Variants in LINGO2 observed in about 807,000 individuals in gnomAD.
The protein encoded by LINGO2 is leucine rich repeat and Ig domain containing 2.
A neutral mutation model predicts 30.6 loss-of-function variants in LINGO2; 14 were observed. That is an observed-to-expected ratio of 0.46 (90% CI 0.30 to 0.72). The LOEUF is 0.72. LINGO2 is among the 30% of genes least tolerant of loss of function. The probability of loss-of-function intolerance (pLI) is 0.07; values close to 1 mark genes in which losing one functional copy is unlikely to be tolerated. For synonymous variants in LINGO2, 317 were observed against 288.5 expected (o/e 1.10, Z -1.00); for missense variants, 729 against 751.7 (o/e 0.97, Z 0.35).
chr9:29,028,427 G>GGCGT, the LINGO2 span, among the ~76,000 whole-genome samples: 1 of 123,876 alleles, frequency 8.1e-6, no homozygotes. Context: ...TGTGGGGGGG[G>GGCGT]GTGAGAGAGA....
the LINGO2 span, among the ~76,000 whole-genome samples, chr9:28,794,190 G>A: frequency 6.6e-6 from 1 of 152,158 alleles, no homozygotes; most frequent in Non-Finnish European, 1.5e-5. Context: ...TGTAGTCCCA[G>A]CTACTCAGGA....
the LINGO2 span, among the ~76,000 whole-genome samples, chr9:28,690,028 A>G: frequency 6.6e-6 from 1 of 152,170 alleles, no homozygotes; most frequent in Non-Finnish European, 1.5e-5. Context: ...TGATGAGAAC[A>G]CATGGACACA....
At chr9:29,146,272 G>C in the LINGO2 span, among the ~76,000 whole-genome samples, 151,714 of 152,200 alleles carry the variant, frequency 1, 75,615 homozygotes, top group Middle Eastern at 1. Flanking sequence ...AGGAGAATCG[G>C]TTGAACCAGG....
At chr9:28,527,719 G>A (rs1247153391) in intron 1 of LINGO2, among the ~76,000 whole-genome samples, 1 of 151,920 alleles carries the variant, frequency 6.6e-6, no homozygotes, top group African/African-American at 2.4e-5. Flanking sequence ...ACCACAACCT[G>A]GAAAGGTATT....
At chr9:28,951,733 C>T in the LINGO2 span, among the ~76,000 whole-genome samples, 137,925 of 152,078 alleles carry the variant, frequency 0.91, 62,721 homozygotes, top group Non-Finnish European at 0.94. Flanking sequence ...CTTTTCATTT[C>T]GTTCCCCAAG....
At chr9:28,714,187 A>C in the LINGO2 span, among the ~76,000 whole-genome samples, 1 of 84,056 alleles carries the variant, frequency 1.2e-5, no homozygotes. Context: ...ATATATATAT[A>C]TACACACATA....
the LINGO2 span, among the ~76,000 whole-genome samples, chr9:28,701,797 T>A: frequency 6.6e-6 from 1 of 152,010 alleles, no homozygotes; most frequent in African/African-American, 2.4e-5. Flanking sequence ...CATTTGGTAC[T>A]TCTTTGATTT....
chr9:29,122,295 A>G, the LINGO2 span, among the ~76,000 whole-genome samples: 2 of 152,108 alleles, frequency 1.3e-5, no homozygotes, highest in Non-Finnish European at 2.9e-5. Context: ...AGGTAATACC[A>G]CTAATAAAGT....
intron 1 of LINGO2, among the ~76,000 whole-genome samples, chr9:28,666,046 G>A (rs1423530384): frequency 2.6e-5 from 4 of 151,512 alleles, no homozygotes; most frequent in Admixed American, 6.6e-5. Flanking sequence ...CATGCACCAC[G>A]ACACCCGGCT....
intron 4 of LINGO2, among the ~76,000 whole-genome samples, chr9:28,016,042 G>GTA (rs1822819966): frequency 6.7e-6 from 1 of 148,996 alleles, no homozygotes; most frequent in Admixed American, 6.7e-5. Flanking sequence ...TTAAGGAAAT[G>GTA]TACCTATTCT....
intron 3 of LINGO2, among the ~76,000 whole-genome samples, chr9:28,348,006 T>C (rs575489041): frequency 6.6e-6 from 1 of 152,278 alleles, no homozygotes; most frequent in East Asian, 1.9e-4. Context: ...CACTTTGGAG[T>C]ATAAGCTATT....
intron 4 of LINGO2, among the ~76,000 whole-genome samples, chr9:28,153,818 A>T (rs989023910): frequency 2.0e-5 from 3 of 152,216 alleles, no homozygotes; most frequent in Non-Finnish European, 4.4e-5. Context: ...AAACAGTAAG[A>T]TATTACAGTA....
At chr9:29,184,227 A>C in the LINGO2 span, among the ~76,000 whole-genome samples, 1 of 152,146 alleles carries the variant, frequency 6.6e-6, no homozygotes, top group African/African-American at 2.4e-5. Context: ...GACTTTCCTT[A>C]AACTGAAAGT....
chr9:28,498,340 C>T (rs576778681), intron 1 of LINGO2, among the ~76,000 whole-genome samples: 1 of 152,322 alleles, frequency 6.6e-6, no homozygotes, highest in East Asian at 1.9e-4. Flanking sequence ...TGTTTACCTA[C>T]TTAAGCCTTA....
At chr9:28,453,734 CT>C (rs1433876427) in intron 2 of LINGO2, among the ~76,000 whole-genome samples, 1 of 151,842 alleles carries the variant, frequency 6.6e-6, no homozygotes, top group African/African-American at 2.4e-5. Flanking sequence ...ATTGATGCTC[CT>C]TTTGCTCAAG....
chr9:28,606,635 T>C (rs1825704926), intron 1 of LINGO2, among the ~76,000 whole-genome samples: 1 of 152,038 alleles, frequency 6.6e-6, no homozygotes, highest in Admixed American at 6.6e-5. Flanking sequence ...TGAGGTAAAA[T>C]TTGTTACTCT....
chr9:28,938,749 A>G, the LINGO2 span, among the ~76,000 whole-genome samples: 4 of 152,288 alleles, frequency 2.6e-5, no homozygotes, highest in African/African-American at 4.8e-5. Flanking sequence ...AATCTACTCT[A>G]TGATGTTTGC....
chr9:28,408,824 A>C (rs1822628564), intron 2 of LINGO2, among the ~76,000 whole-genome samples: 1 of 151,976 alleles, frequency 6.6e-6, no homozygotes, highest in Admixed American at 6.6e-5. Flanking sequence ...CTCCTGGTCC[A>C]TAGTCTACAG....
intron 4 of LINGO2, among the ~76,000 whole-genome samples, chr9:28,052,924 A>G (rs866807633): frequency 2.0e-5 from 3 of 152,124 alleles, no homozygotes; most frequent in East Asian, 1.9e-4. Context: ...TACAAGTAAA[A>G]ATCTGTATTC....
Sources: gnomAD v4.1 joint callset for allele counts (sites outside exome capture counted in the v4.1 genomes callset) on GRCh38, gnomAD v4.1.1 for gene constraint, MANE v1.5 for transcripts, NCBI Gene and HGNC (gene_info 2026-07-23, HGNC 2026-07-21) for gene names.